Variants in ASCC3 observed in about 807,000 individuals in gnomAD.
ASCC3 encodes the protein ASC-1 complex subunit P200.
In ASCC3, 158 loss-of-function variants were observed where a neutral mutation model predicts 256.3. That is an observed-to-expected ratio of 0.62 (90% confidence interval 0.54 to 0.70). The LOEUF is 0.70. ASCC3 is among the 30% of genes least tolerant of loss of function. ASCC3 has a pLI of 0.00. For missense variants in ASCC3, 2,259 were observed against 2,626.0 expected (o/e 0.86, Z 3.05); for synonymous variants, 948 against 883.4 (o/e 1.07, Z -1.30).
chr6:100,759,464 C>G (rs1781334037), intron 10 of ASCC3, among the ~76,000 whole-genome samples: 1 of 152,078 alleles, frequency 6.6e-6, no homozygotes, highest in Non-Finnish European at 1.5e-5. Flanking sequence ...TATGGCTAGC[C>G]AGTTTTCCCA....
intron 13 of ASCC3, among the ~76,000 whole-genome samples, chr6:100,693,324 A>G (rs1054814557): frequency 2.2e-4 from 33 of 152,036 alleles, no homozygotes; most frequent in Admixed American, 5.2e-4. Context: ...CTCCATATGC[A>G]AGGAGTCCAC....
intron 8 of ASCC3, among the ~76,000 whole-genome samples, chr6:100,797,278 T>C (rs1582877885): frequency 1.3e-5 from 2 of 151,784 alleles, no homozygotes; most frequent in African/African-American, 4.8e-5. Flanking sequence ...GGCAAAACCC[T>C]GTCTCTACCA....
chr6:100,533,110 TTTTTTG>T (rs199546595), intron 37 of ASCC3, among the ~76,000 whole-genome samples: 2,090 of 152,180 alleles, frequency 0.014, 36 homozygotes, highest in African/African-American at 0.048. Flanking sequence ...TTTGTTTTGT[TTTTTTG>T]TTTTTGTTTT....
chr6:100,723,136 T>C (rs974216849), intron 11 of ASCC3, among the ~76,000 whole-genome samples: 2 of 151,882 alleles, frequency 1.3e-5, no homozygotes, highest in Middle Eastern at 3.4e-3. Context: ...TACTGATTCA[T>C]ATTCTTTTTA....
chr6:100,602,329 G>C (rs1772662306), intron 33 of ASCC3, among the ~76,000 whole-genome samples: 1 of 151,962 alleles, frequency 6.6e-6, no homozygotes, highest in Non-Finnish European at 1.5e-5. Flanking sequence ...TCCAGATTAA[G>C]TTAACAGTAG....
intron 36 of ASCC3, among the ~76,000 whole-genome samples, chr6:100,558,272 T>G (rs1471178979): frequency 1.3e-5 from 2 of 152,102 alleles, no homozygotes; most frequent in Non-Finnish European, 2.9e-5. Flanking sequence ...TTCTATATGA[T>G]TGTGTGCTAA....
At chr6:100,719,236 T>G (rs1779214822) in intron 11 of ASCC3, among the ~76,000 whole-genome samples, 2 of 152,188 alleles carry the variant, frequency 1.3e-5, no homozygotes, top group Admixed American at 6.6e-5. Context: ...TATAAATTTG[T>G]TTTCACTGAA....
chr6:100,631,006 A>G, intron 26 of ASCC3, 122 bp downstream of exon 26: 1 of 693,786 alleles, frequency 1.4e-6, no homozygotes. Flanking sequence ...AAAACCATTC[A>G]GCAGTTAAAT....
In ASCC3 at chr6:100,662,169, T is replaced by C. The variant is rs746499203; in HGVS notation, c.2479-139A>G. ...AATCCTTTCATCATCTGTGATAGAGTAAAATTTTCACAATATAAACTAGAT... is the reference window on the plus strand; with the variant it reads ...AATCCTTTCATCATCTGTGATAGAGCAAAATTTTCACAATATAAACTAGAT... On this transcript the variant is annotated intron_variant, in intron 15 of 41. Coordinates refer to ENST00000369162, the MANE Select transcript of ASCC3 (RefSeq NM_006828.4). The C allele has an allele frequency of 3.2e-5, 36 of 1,121,250 alleles. 1 individual carries two copies. Among genetic ancestry groups the C allele is most frequent in the Non-Finnish European group, 4.3e-5 (34 of 786,610 alleles). The allele number at this position is 1,121,250 out of a possible 1,614,324, so 69.5% of individuals were successfully genotyped here.
chr6:100,838,314 A>G (rs939203022), intron 4 of ASCC3, among the ~76,000 whole-genome samples: 3 of 152,074 alleles, frequency 2.0e-5, no homozygotes, highest in African/African-American at 4.8e-5. Flanking sequence ...TTGACAGTTC[A>G]TATGGATCTG....
At chr6:100,551,254 ACT>A (rs1466887019) in intron 36 of ASCC3, among the ~76,000 whole-genome samples, 2 of 151,868 alleles carry the variant, frequency 1.3e-5, no homozygotes, top group East Asian at 3.8e-4. Context: ...AAGAGACATG[ACT>A]CTCTGCTTTT....
At chr6:100,840,438 CCA>C (rs2114483400) in intron 4 of ASCC3, among the ~76,000 whole-genome samples, 1 of 151,542 alleles carries the variant, frequency 6.6e-6, no homozygotes, top group South Asian at 2.1e-4. Context: ...AGCAATCCTC[CCA>C]CCTCAGCCTC....
chr6:100,761,503 T>TA (rs1418328859), intron 10 of ASCC3, among the ~76,000 whole-genome samples: 1 of 152,020 alleles, frequency 6.6e-6, no homozygotes, highest in Non-Finnish European at 1.5e-5. Context: ...AATAAAAATA[T>TA]AAAAAACGAA....
intron 8 of ASCC3, among the ~76,000 whole-genome samples, chr6:100,772,139 C>T (rs1009475579): frequency 6.6e-6 from 1 of 152,094 alleles, no homozygotes; most frequent in Non-Finnish European, 1.5e-5. Flanking sequence ...CCTCAGCCTC[C>T]CAAAGTGCTG....
intron 13 of ASCC3, among the ~76,000 whole-genome samples, chr6:100,694,859 T>C (rs1211194702): frequency 6.6e-6 from 1 of 152,110 alleles, no homozygotes; most frequent in Non-Finnish European, 1.5e-5. Flanking sequence ...TAGAAAATCA[T>C]CAAAAGATGC....
At chr6:100,664,136 T>C (rs562260060) in intron 14 of ASCC3, among the ~76,000 whole-genome samples, 10 of 152,292 alleles carry the variant, frequency 6.6e-5, no homozygotes, top group Admixed American at 5.9e-4. Context: ...AATGTTTATA[T>C]AGTTAAAGCT....
At chr6:100,734,447 T>C (rs4840147) in intron 10 of ASCC3, among the ~76,000 whole-genome samples, 73,374 of 151,852 alleles carry the variant, frequency 0.48, 17,745 homozygotes, top group South Asian at 0.68. Flanking sequence ...TCAGACTGAG[T>C]AGTCTGAGTA....
At chr6:100,682,856 A>G (rs1777377346) in intron 13 of ASCC3, among the ~76,000 whole-genome samples, 1 of 152,138 alleles carries the variant, frequency 6.6e-6, no homozygotes, top group African/African-American at 2.4e-5. Context: ...TCACAGTGAG[A>G]CCTAGGGACT....
At chr6:100,544,162 A>AAGTACTG (rs1775595608) in intron 36 of ASCC3, among the ~76,000 whole-genome samples, 9 of 152,130 alleles carry the variant, frequency 5.9e-5, no homozygotes, top group African/African-American at 2.2e-4. Flanking sequence ...GTGGGATATC[A>AAGTACTG]TTGGAACAGT....
Sources: allele counts gnomAD v4.1 joint callset (sites outside exome capture counted in the v4.1 genomes callset), GRCh38; gene constraint gnomAD v4.1.1; transcripts MANE v1.5; gene names NCBI Gene and HGNC (gene_info 2026-07-23, HGNC 2026-07-21).